SPAG16: variants seen among roughly 807,000 people sequenced by gnomAD.
SPAG16 encodes the protein sperm-associated antigen 16 protein.
SPAG16 carries 86 observed loss-of-function variants against 80.4 expected under a neutral mutation model. The ratio of observed to expected loss-of-function variants is 1.07; its 90% CI spans 0.90 to 1.28. The LOEUF (loss-of-function observed/expected upper bound fraction) is 1.28, where lower values mean the gene tolerates loss of function less well. SPAG16 is among the 50% of genes most tolerant of loss of function. The pLI, the probability that SPAG16 is intolerant of heterozygous loss-of-function variation, is 0.00. For synonymous variants in SPAG16, 294 were observed against 265.9 expected (o/e 1.11, Z -1.03); for missense variants, 870 against 765.3 (o/e 1.14, Z -1.61).
At chr2:213,966,389 G>A (rs2044712057) in intron 12 of SPAG16, among the ~76,000 whole-genome samples, 2 of 152,098 alleles carry the variant, frequency 1.3e-5, no homozygotes, top group South Asian at 4.1e-4. Context: ...AGAGTTAAAA[G>A]TATATATCTC....
chr2:214,107,051 C>A (rs1229551934), intron 13 of SPAG16, among the ~76,000 whole-genome samples: 1 of 152,146 alleles, frequency 6.6e-6, no homozygotes. Context: ...TACTTTCATT[C>A]TTTATTCAAA....
At chr2:213,407,835 A>C (rs2068728294) in intron 9 of SPAG16, among the ~76,000 whole-genome samples, 1 of 141,314 alleles carries the variant, frequency 7.1e-6, no homozygotes, top group South Asian at 2.4e-4. Context: ...AGGCAGAGAG[A>C]GAGAGACAGG....
intron 12 of SPAG16, among the ~76,000 whole-genome samples, chr2:213,935,201 C>CAAAAAAAAAAAAAAAAAA: frequency 9.7e-6 from 1 of 102,770 alleles, no homozygotes; most frequent in Non-Finnish European, 2.0e-5. Flanking sequence ...GACTCCATCT[C>CAAAAAAAAAAAAAAAAAA]AAAAAAAAAA....
chr2:213,350,005 T>G (rs2065237966), intron 6 of SPAG16, among the ~76,000 whole-genome samples: 4 of 152,208 alleles, frequency 2.6e-5, no homozygotes, highest in African/African-American at 9.6e-5. Context: ...TAAAACAGAT[T>G]TTTTAAAGGT....
intron 15 of SPAG16, among the ~76,000 whole-genome samples, chr2:214,307,879 G>C (rs991310314): frequency 1.3e-5 from 2 of 152,140 alleles, no homozygotes; most frequent in African/African-American, 4.8e-5. Flanking sequence ...TCTGTGTGGA[G>C]AGTTATGTAG....
chr2:214,289,136 G>A (rs999597981), intron 15 of SPAG16, among the ~76,000 whole-genome samples: 3 of 152,138 alleles, frequency 2.0e-5, no homozygotes, highest in Non-Finnish European at 4.4e-5. Flanking sequence ...GTATATTTCA[G>A]ATATTAGCCT....
At position 213,375,126 on chromosome 2, in the gene SPAG16, T is replaced by A. The variant is rs2066822156; in HGVS notation, c.942+7T>A. Reference sequence around the variant, plus strand: ...GATGAAAGGCAATACAAAGGTATGATATTTGTTTTTGTTTGCATTAAGTCA... The same window carrying A: ...GATGAAAGGCAATACAAAGGTATGAAATTTGTTTTTGTTTGCATTAAGTCA... On this transcript the variant is annotated splice_region_variant and intron_variant, in intron 9 of 15. Transcript: ENST00000331683. 1.3e-5 allele frequency: 20 copies of A among 1,578,594 alleles called. No individual in the cohort carries two copies. The highest frequency in any genetic ancestry group is 1.7e-5 in the Non-Finnish European group (20 of 1,160,320).
intron 10 of SPAG16, among the ~76,000 whole-genome samples, chr2:213,842,285 T>C (rs1268328101): frequency 6.6e-6 from 1 of 152,174 alleles, no homozygotes. Flanking sequence ...TTGTGCACTT[T>C]TATTTGTATA....
At chr2:213,899,536 C>A (rs773725751) in intron 11 of SPAG16, among the ~76,000 whole-genome samples, 2 of 152,066 alleles carry the variant, frequency 1.3e-5, no homozygotes, top group Non-Finnish European at 2.9e-5. Flanking sequence ...CTCTTCCAGG[C>A]TTGGGATTCT....
Position 214,149,136 on chromosome 2 carries a change from G to A in SPAG16, c.1594-4G>A. 1 of 1,498,318 alleles carries A rather than the reference G, an allele frequency of 6.7e-7. No homozygotes were observed. The highest frequency in any genetic ancestry group is 8.9e-7 in the Non-Finnish European group (1 of 1,122,522). The allele number at this position is 1,498,318 out of a possible 1,614,324, so 92.8% of individuals were successfully genotyped here. A position where few individuals can be genotyped will look rare whatever the true frequency, so the allele number is the denominator to read the frequency against. On this transcript the variant is annotated splice_region_variant and splice_polypyrimidine_tract_variant and intron_variant, in intron 14 of 15. Transcript: ENST00000331683. ...TTTATTTTTGTTTATCTTATATTTT[G>A]AAGGGTCACATGATAGCATCCTGTG...
intron 14 of SPAG16, among the ~76,000 whole-genome samples, chr2:214,119,302 C>T (rs544859017): frequency 6.6e-6 from 1 of 152,120 alleles, no homozygotes; most frequent in South Asian, 2.1e-4. Flanking sequence ...TTATTTTAAA[C>T]CTCCTTTTAA....
chr2:213,484,199 C>CTA (rs1197157317), intron 9 of SPAG16, among the ~76,000 whole-genome samples: 1 of 151,936 alleles, frequency 6.6e-6, no homozygotes, highest in Non-Finnish European at 1.5e-5. Flanking sequence ...ACTTTAAAGA[C>CTA]TAATTAGATA....
At chr2:213,562,916 TA>T (rs751102342) in intron 10 of SPAG16, among the ~76,000 whole-genome samples, 28 of 152,200 alleles carry the variant, frequency 1.8e-4, no homozygotes, top group Non-Finnish European at 3.1e-4. Flanking sequence ...ATAAGGTCAC[TA>T]ATACCATTCA....
At chr2:213,895,816 A>G (rs920750460) in intron 11 of SPAG16, among the ~76,000 whole-genome samples, 2 of 152,182 alleles carry the variant, frequency 1.3e-5, no homozygotes, top group Non-Finnish European at 2.9e-5. Context: ...ACCTGAAACT[A>G]TGAAACTGCT....
chr2:214,047,985 T>A lies in SPAG16; in HGVS notation c.1527+33908T>A, dbSNP rs1337157332. On this transcript the variant is annotated intron_variant, in intron 13 of 15. Coordinates refer to ENST00000331683, the MANE Select transcript of SPAG16 (RefSeq NM_024532.5). ...ACAGAAGTGCAAATCAATGCTACAA[T>A]GAGATATCATGTCACCCCAGTTAAA... Among the ~76,000 whole-genome samples the A allele has an allele frequency of 2.0e-5, 3 of 152,078 alleles. No homozygotes were observed. In the East Asian group the frequency reaches 5.8e-4, roughly 29 times the overall value.
At chr2:213,615,754 C>T (rs2061572702) in intron 10 of SPAG16, among the ~76,000 whole-genome samples, 1 of 152,096 alleles carries the variant, frequency 6.6e-6, no homozygotes, top group African/African-American at 2.4e-5. Context: ...GTGTAAATAG[C>T]TGCAATTACA....
chr2:213,904,710 A>T (rs1049297370), intron 11 of SPAG16, among the ~76,000 whole-genome samples: 1 of 152,052 alleles, frequency 6.6e-6, no homozygotes, highest in African/African-American at 2.4e-5. Context: ...AAAGGTCTAA[A>T]TGAAGGGAAG....
chr2:213,542,817 T>G (rs2076495518), intron 10 of SPAG16, among the ~76,000 whole-genome samples: 1 of 152,082 alleles, frequency 6.6e-6, no homozygotes, highest in South Asian at 2.1e-4. Flanking sequence ...TTTACTTGAA[T>G]TGTGGAAACA....
chr2:213,841,666 A>T (rs1286865588), intron 10 of SPAG16, among the ~76,000 whole-genome samples: 1 of 152,132 alleles, frequency 6.6e-6, no homozygotes, highest in African/African-American at 2.4e-5. Flanking sequence ...CACCTTTGAT[A>T]ATTAAGGACA....
Sources: allele counts gnomAD v4.1 joint callset (sites outside exome capture counted in the v4.1 genomes callset), GRCh38; gene constraint gnomAD v4.1.1; transcripts MANE v1.5; gene names NCBI Gene and HGNC (gene_info 2026-07-23, HGNC 2026-07-21).